WNT7B: variants seen among roughly 807,000 people sequenced by gnomAD.
WNT7B encodes Wnt family member 7B, also known as protein Wnt-7b.
In WNT7B, 19 loss-of-function variants were observed where a neutral mutation model predicts 38.2. That is an observed-to-expected ratio of 0.50 (90% CI 0.35 to 0.73). WNT7B has a LOEUF of 0.73. Ranked by LOEUF, WNT7B falls within the 30% of genes least tolerant of loss-of-function variation. The pLI is 0.01. For missense variants in WNT7B, 423 were observed against 507.9 expected (o/e 0.83, Z 1.61); for synonymous variants, 243 against 209.3 (o/e 1.16, Z -1.39).
intron 3 of WNT7B, among the ~76,000 whole-genome samples, chr22:45,929,820 C>T (rs1931262574): frequency 6.6e-6 from 1 of 151,602 alleles, no homozygotes; most frequent in Non-Finnish European, 1.5e-5. Flanking sequence ...ATCCATCTAT[C>T]TTCCCATGCA....
intron 2 of WNT7B, among the ~76,000 whole-genome samples, chr22:45,944,712 C>A (rs1489911488): frequency 6.6e-6 from 1 of 152,252 alleles, no homozygotes; most frequent in Admixed American, 6.5e-5. Context: ...GGCCTGTGCT[C>A]ACCCATCGTG....
chr22:45,945,026 G>A (rs76653894), intron 2 of WNT7B, among the ~76,000 whole-genome samples: 3,476 of 152,306 alleles, frequency 0.023, 137 homozygotes, highest in African/African-American at 0.08. Flanking sequence ...TGAGCCGCAG[G>A]TGTCCGCTGA....
At chr22:45,926,267 C>T (rs374004682) in intron 3 of WNT7B, 1 of 985,384 alleles carries the variant, frequency 1.0e-6, no homozygotes, top group South Asian at 4.7e-5. Context: ...GAGACCGGCC[C>T]CCTGCCCCAA....
At chr22:45,959,612 C>A (rs940624889) in intron 1 of WNT7B, among the ~76,000 whole-genome samples, 1 of 152,178 alleles carries the variant, frequency 6.6e-6, no homozygotes, top group Non-Finnish European at 1.5e-5. Context: ...AAAACCGACC[C>A]CACAAACCAC....
chr22:45,932,285 T>C (rs986083559), intron 2 of WNT7B, among the ~76,000 whole-genome samples: 1 of 152,170 alleles, frequency 6.6e-6, no homozygotes, highest in Admixed American at 6.5e-5. Flanking sequence ...ACTCAGTCCT[T>C]CCAGGCGCTG....
At chr22:45,967,257 G>T (rs553332885) in intron 1 of WNT7B, among the ~76,000 whole-genome samples, 238 of 152,302 alleles carry the variant, frequency 1.6e-3, no homozygotes, top group Non-Finnish European at 3.1e-3. Flanking sequence ...CTGGGCCGGG[G>T]TTTCATCTGA....
At chr22:45,949,367 G>A (rs1034983551) in intron 2 of WNT7B, among the ~76,000 whole-genome samples, 4 of 90,744 alleles carry the variant, frequency 4.4e-5, no homozygotes, top group East Asian at 3.8e-4. Context: ...TGGATTCCCC[G>A]TGCTCCACGT....
Position 45,920,591 on chromosome 22 carries a change from G to A in WNT7B, c.*2265C>T, listed in dbSNP as rs1016394651. The stretch of plus-strand genomic sequence containing the variant: ...GTGCGAGTGTCTCGGTGGCATCAGG[G>A]GCCCCAAGGGTCTGTTGAAGCAGGA... On this transcript the variant is annotated 3_prime_UTR_variant, in exon 4 of 4. Transcript: ENST00000339464. The A allele has an allele frequency of 4.8e-5, 7 of 144,862 alleles. No individual in the cohort carries two copies. The highest frequency in any genetic ancestry group is 1.8e-4 in the African/African-American group (7 of 38,746). The allele number at this position is 144,862 out of a possible 1,614,324, so 9.0% of individuals were successfully genotyped here.
intron 1 of WNT7B, among the ~76,000 whole-genome samples, chr22:45,974,643 C>A (rs934879537): frequency 6.6e-6 from 1 of 152,234 alleles, no homozygotes; most frequent in African/African-American, 2.4e-5. Flanking sequence ...CCTCCAGGGG[C>A]CCTGGGTGGG....
chr22:45,948,957 T>C (rs1931863319), intron 2 of WNT7B, among the ~76,000 whole-genome samples: 1 of 147,830 alleles, frequency 6.8e-6, no homozygotes, highest in Non-Finnish European at 1.5e-5. Flanking sequence ...CAAGCAATTC[T>C]CCTCCTTCAG....
chr22:45,929,877 CATCTACCCACT>C (rs368412538), intron 3 of WNT7B, among the ~76,000 whole-genome samples: 3,404 of 149,360 alleles, frequency 0.023, 137 homozygotes, highest in African/African-American at 0.08. Context: ...TCCATCCAAC[CATCTACCCACT>C]CATCCACTCA....
At chr22:45,941,381 G>C (rs1040452824) in intron 2 of WNT7B, among the ~76,000 whole-genome samples, 1 of 152,022 alleles carries the variant, frequency 6.6e-6, no homozygotes, top group Admixed American at 6.6e-5. Context: ...TGTGGTGGCA[G>C]GGGCCTGTAA....
intron 3 of WNT7B, among the ~76,000 whole-genome samples, chr22:45,928,481 GGGTCA>G (rs1463348337): frequency 6.6e-6 from 1 of 151,968 alleles, no homozygotes; most frequent in Admixed American, 6.5e-5. Flanking sequence ...GCAGCAGCGT[GGGTCA>G]GCCAGGGCCC....
chr22:45,931,975 C>T (rs62226031), intron 2 of WNT7B, among the ~76,000 whole-genome samples: 5,695 of 152,258 alleles, frequency 0.037, 171 homozygotes, highest in Middle Eastern at 0.071. Flanking sequence ...CTTGGTCCAC[C>T]CGCCTTCAGT....
chr22:45,949,902 G>C lies in WNT7B; in HGVS notation c.298+18C>G. ...TGGCCACAATGGCTGGGCCCCTTGA[G>C]CCCAGAGGCGCCCTTACCTACTCGG... On this transcript the variant is annotated intron_variant, in intron 2 of 3. Coordinates refer to ENST00000339464, the MANE Select transcript of WNT7B (RefSeq NM_058238.3). The C allele has an allele frequency of 6.3e-7, 1 of 1,599,162 alleles. No individual in the cohort carries two copies.
intron 2 of WNT7B, chr22:45,935,918 C>T: frequency 1.0e-6 from 1 of 985,300 alleles, no homozygotes; most frequent in African/African-American, 1.7e-5. Flanking sequence ...TTGGGGCCGG[C>T]AGCTGTCCTG....
At chr22:45,929,916 CT>C (rs1931274503) in intron 3 of WNT7B, among the ~76,000 whole-genome samples, 4 of 149,710 alleles carry the variant, frequency 2.7e-5, no homozygotes, top group African/African-American at 7.6e-5. Flanking sequence ...ACCCATCCAT[CT>C]ATCCTCCCAT....
intron 1 of WNT7B, among the ~76,000 whole-genome samples, chr22:45,971,205 G>C (rs1014305986): frequency 1.3e-5 from 2 of 150,088 alleles, no homozygotes; most frequent in Admixed American, 1.3e-4. Context: ...CTCTGGCCGC[G>C]TCAGGCGACC....
chr22:45,930,535 G>T (rs576003663), intron 3 of WNT7B, among the ~76,000 whole-genome samples: 4 of 152,144 alleles, frequency 2.6e-5, no homozygotes, highest in Admixed American at 1.3e-4. Flanking sequence ...CTTCTTCCCC[G>T]GTGTGTCCCT....
Sources: allele counts gnomAD v4.1 joint callset (sites outside exome capture counted in the v4.1 genomes callset), GRCh38; gene constraint gnomAD v4.1.1; transcripts MANE v1.5; gene names NCBI Gene and HGNC (gene_info 2026-07-23, HGNC 2026-07-21).